Variants in TRPM3 observed in about 807,000 individuals in gnomAD.
TRPM3 encodes the protein long transient receptor potential channel 3.
Under a neutral mutation model 181.2 loss-of-function variants are expected in TRPM3, and 77 were observed. The ratio of observed to expected loss-of-function variants is 0.42; its 90% CI spans 0.35 to 0.51. TRPM3 has a LOEUF of 0.51. TRPM3 is among the 20% of genes least tolerant of loss of function. The pLI is 0.01. For missense variants in TRPM3, 1,759 were observed against 2,196.7 expected, an observed-to-expected ratio of 0.80 and a Z score of 3.98; for synonymous variants, 745 against 796.4, an observed-to-expected ratio of 0.94 and a Z score of 1.09.
In TRPM3 at chr9:70,928,735, G is replaced by A. The variant is rs866593856; in HGVS notation, c.178-64224C>T. On this transcript the variant is annotated intron_variant, in intron 1 of 25. Coordinates refer to ENST00000677713, the MANE Select transcript of TRPM3 (RefSeq NM_001366145.2). ...CCCTGAGGAACATGATGTACAGAGG[G>A]GTGTGGTTGAATAACATGGGTGTAT... Among the ~76,000 whole-genome samples the A allele has an allele frequency of 4.9e-4, 74 of 152,262 alleles. 2 individuals are homozygous for A. Among genetic ancestry groups the A allele is most frequent in the East Asian group, 5.8e-4 (3 of 5,186 alleles).
chr9:71,039,155 G>C (rs1364025623), intron 1 of TRPM3, among the ~76,000 whole-genome samples: 3 of 152,110 alleles, frequency 2.0e-5, no homozygotes, highest in Non-Finnish European at 4.4e-5. Flanking sequence ...TGGTCAGCGT[G>C]GTGTATGGAC....
chr9:71,179,517 G>A (rs1387945498), intron 1 of TRPM3, among the ~76,000 whole-genome samples: 1 of 152,158 alleles, frequency 6.6e-6, no homozygotes, highest in African/African-American at 2.4e-5. Flanking sequence ...TAAAATGGAA[G>A]AGTCACTATT....
intron 1 of TRPM3, among the ~76,000 whole-genome samples, chr9:70,944,835 T>C (rs758168826): frequency 2.0e-5 from 3 of 152,120 alleles, no homozygotes; most frequent in Non-Finnish European, 2.9e-5. Context: ...CTCACTTATA[T>C]TTTGAATGTT....
At chr9:70,638,309 T>C (rs1029997897) in intron 11 of TRPM3, among the ~76,000 whole-genome samples, 1 of 152,216 alleles carries the variant, frequency 6.6e-6, no homozygotes, top group Admixed American at 6.5e-5. Flanking sequence ...TTCTGTTGTT[T>C]ATAAATTACT....
chr9:71,441,025 T>C (rs967109574), intron 1 of TRPM3, among the ~76,000 whole-genome samples: 1 of 152,188 alleles, frequency 6.6e-6, no homozygotes, highest in African/African-American at 2.4e-5. Context: ...AATGCAAAGA[T>C]ATTTTACTCC....
At chr9:71,300,074 G>C (rs893431203) in intron 1 of TRPM3, among the ~76,000 whole-genome samples, 11 of 152,080 alleles carry the variant, frequency 7.2e-5, no homozygotes, top group Admixed American at 7.2e-4. Flanking sequence ...TCTGTGCTTG[G>C]AGCTGTAAAG....
intron 1 of TRPM3, among the ~76,000 whole-genome samples, chr9:71,089,437 G>C (rs547632634): frequency 6.6e-6 from 1 of 151,728 alleles, no homozygotes; most frequent in African/African-American, 2.4e-5. Flanking sequence ...AACAGACTGT[G>C]TCTATATTAT....
At chr9:71,004,048 C>T (rs2097647269) in intron 1 of TRPM3, among the ~76,000 whole-genome samples, 1 of 152,182 alleles carries the variant, frequency 6.6e-6, no homozygotes, top group South Asian at 2.1e-4. Context: ...CCCACAAGAA[C>T]CACTGGGAGT....
At chr9:71,186,632 A>T (rs1312164797) in intron 1 of TRPM3, among the ~76,000 whole-genome samples, 1 of 152,124 alleles carries the variant, frequency 6.6e-6, no homozygotes, top group Non-Finnish European at 1.5e-5. Context: ...CAAGTTAGGG[A>T]TGAAGTTTGT....
rs906556913 is a variant in TRPM3, at chr9:70,536,769, A to C, written c.4344T>G (p.Pro1448=). The stretch of plus-strand genomic sequence containing the variant: ...AGGCACTACTTGAAGGGGCTGTGGA[A>C]GGTACTGGAGTTGAAAAGCTTGGCT... ...LGEPSFSTPV[P]STAPSSSAYA... is the part of the protein sequence containing the mutation. Residue 1448 remains proline, a synonymous_variant, in exon 26 of 26, where the codon CCT becomes CCG. Transcript: ENST00000677713. 2 of 1,614,186 alleles carry C rather than the reference A, an allele frequency of 1.2e-6. No homozygotes were observed. The highest frequency in any genetic ancestry group is 8.5e-7 in the Non-Finnish European group (1 of 1,180,030).
intron 6 of TRPM3, among the ~76,000 whole-genome samples, chr9:70,788,635 T>G (rs940631605): frequency 1.3e-5 from 2 of 152,154 alleles, no homozygotes; most frequent in African/African-American, 2.4e-5. Context: ...TGCACTTTAC[T>G]TCTATTATTA....
intron 1 of TRPM3, among the ~76,000 whole-genome samples, chr9:70,888,397 G>T (rs1471434708): frequency 4.0e-5 from 6 of 150,056 alleles, no homozygotes; most frequent in African/African-American, 1.2e-4. Context: ...GTGTGTGTGT[G>T]TGTGTTCCAA....
At chr9:71,246,508 A>T (rs2082041101) in intron 1 of TRPM3, among the ~76,000 whole-genome samples, 1 of 152,230 alleles carries the variant, frequency 6.6e-6, no homozygotes. Flanking sequence ...AGTTCTGGCC[A>T]TAATATAAAA....
intron 1 of TRPM3, among the ~76,000 whole-genome samples, chr9:71,060,748 C>T (rs1427079547): frequency 6.6e-6 from 1 of 152,090 alleles, no homozygotes; most frequent in African/African-American, 2.4e-5. Context: ...ATTGACAGTA[C>T]TCTTTGAAAG....
chr9:71,096,584 A>ACTCTCTCTCTCTCT (rs2067257095), intron 1 of TRPM3, among the ~76,000 whole-genome samples: 1 of 104,854 alleles, frequency 9.5e-6, no homozygotes, highest in Non-Finnish European at 1.9e-5. Context: ...ACACACACAC[A>ACTCTCTCTCTCTCT]CACACACTCT....
chr9:70,776,451 TTTTC>T (rs767517603), intron 7 of TRPM3: 32 of 713,794 alleles, frequency 4.5e-5, no homozygotes, highest in Non-Finnish European at 8.1e-5. Flanking sequence ...CCTCTTCCTT[TTTTC>T]TTTCTCTTTT....
At chr9:70,809,318 T>C (rs959967412) in intron 6 of TRPM3, among the ~76,000 whole-genome samples, 21 of 152,350 alleles carry the variant, frequency 1.4e-4, no homozygotes, top group African/African-American at 4.8e-4. Context: ...ATAGCCTAAT[T>C]ATACAGTGTT....
At chr9:70,926,941 T>C (rs1332021867) in intron 1 of TRPM3, among the ~76,000 whole-genome samples, 1 of 152,238 alleles carries the variant, frequency 6.6e-6, no homozygotes, top group East Asian at 1.9e-4. Context: ...ATGGCAGGCA[T>C]TGAATTTAAT....
intron 5 of TRPM3, among the ~76,000 whole-genome samples, chr9:70,842,222 A>C (rs950592655): frequency 3.4e-4 from 51 of 152,074 alleles, no homozygotes. Context: ...GGAGAAATGC[A>C]AGCCCCTGGG....
Sources: allele counts gnomAD v4.1 joint callset (sites outside exome capture counted in the v4.1 genomes callset), GRCh38; gene constraint gnomAD v4.1.1; transcripts MANE v1.5; gene names NCBI Gene and HGNC (gene_info 2026-07-23, HGNC 2026-07-21).